Variants in ZNF516 observed in about 807,000 individuals in gnomAD.
ZNF516 encodes zinc finger protein 516.
A neutral mutation model predicts 79.7 loss-of-function variants in ZNF516; 19 were observed. The ratio of observed to expected loss-of-function variants is 0.24; its 90% CI spans 0.17 to 0.35. The LOEUF (loss-of-function observed/expected upper bound fraction) is 0.35, where lower values mean the gene tolerates loss of function less well. ZNF516 is among the 10% of genes least tolerant of loss of function. The pLI is 1.00. For synonymous variants in ZNF516, 877 were observed against 739.5 expected (o/e 1.19, Z -3.02); for missense variants, 1,678 against 1,679.5 (o/e 1.00, Z 0.02).
chr18:76,459,236 G>A lies in ZNF516; in HGVS notation c.-158+3792C>T, dbSNP rs146802604. 1.1e-3 allele frequency among the ~76,000 whole-genome samples: 160 copies of A among 152,266 alleles called. 1 individual carries two copies. Among genetic ancestry groups the A allele is most frequent in the Admixed American group, 2.7e-3 (42 of 15,298 alleles). On this transcript the variant is annotated intron_variant, in intron 2 of 6. Transcript: ENST00000443185. The surrounding 1 kb of genome is among the most constrained non-coding windows in gnomAD (Gnocchi z 5.0). ...GCATAGGGCGCTCTCTCCCTGCCCC[G>A]AGCTTCGGCTTCTCCTCCATGCACG...
chr18:76,486,900 G>T (rs141342244), intron 1 of ZNF516, among the ~76,000 whole-genome samples: 2 of 152,074 alleles, frequency 1.3e-5, no homozygotes, highest in Admixed American at 1.3e-4. Context: ...ACAGGAATAC[G>T]AAGTAAATCT....
intron 4 of ZNF516, among the ~76,000 whole-genome samples, chr18:76,374,877 T>C (rs1329888821): frequency 2.6e-5 from 4 of 152,052 alleles, no homozygotes; most frequent in Admixed American, 6.6e-5. Context: ...AAAGCAGAGA[T>C]ACACTTGTAT....
At position 76,442,144 on chromosome 18, in the gene ZNF516, C is replaced by A. The variant is rs763339807; in HGVS notation, c.911G>T (p.Ser304Ile). The A allele has an allele frequency of 1.2e-6, 2 of 1,613,976 alleles. No individual in the cohort carries two copies. Among genetic ancestry groups the A allele is most frequent in the South Asian group, 1.1e-5 (1 of 91,088 alleles). The part of the protein sequence containing the change: ...HMKAHGPKTG[S>I]KNRPKSELDP... ...CAGCTCACTCTTGGGCCTGTTCTTGCTGCCCGTCTTGGGGCCGTGCGCCTT... is the reference window on the plus strand; with the variant it reads ...CAGCTCACTCTTGGGCCTGTTCTTGATGCCCGTCTTGGGGCCGTGCGCCTT... The change falls in exon 3 of 7, where the codon AGC becomes ATC. Residue 304 changes from serine (S) to isoleucine (I), a missense_variant. Transcript: ENST00000443185.
chr18:76,379,987 C>T lies in ZNF516; in HGVS notation c.2127G>A (p.Lys709=), dbSNP rs1304511784. Residue 709 remains lysine, a synonymous_variant, in exon 4 of 7, where the codon AAG becomes AAA. Transcript: ENST00000443185. ...AEGQTGHPAE[K]LSDLHNKEHS... Reference sequence around the variant, plus strand: ...GTTCCTTGTTGTGCAAATCGGACAGCTTTTCTGCAGGGTGACCCGTCTGGC... The same window carrying T: ...GTTCCTTGTTGTGCAAATCGGACAGTTTTTCTGCAGGGTGACCCGTCTGGC... The T allele has an allele frequency of 1.9e-6, 3 of 1,613,878 alleles. No homozygotes were observed. The highest frequency in any genetic ancestry group is 3.3e-5 in the Admixed American group (2 of 60,008).
rs1391051943 is a variant in ZNF516 at position 76,384,367 on chromosome 18, G to A, written c.1811-4064C>T. ...TCCACGGCTCTCACGTCCCCTCCAC[G>A]GTTCCGACACCCCCACCACGGGCCG... On this transcript the variant is annotated intron_variant, in intron 3 of 6. Transcript: ENST00000443185. 5.8e-5 allele frequency among the ~76,000 whole-genome samples: 7 copies of A among 119,846 alleles called. 1 individual carries two copies. The highest frequency in any genetic ancestry group is 3.4e-5 in the Non-Finnish European group (2 of 58,562). 78.6% of individuals were successfully genotyped at this position (119,846 alleles called of 152,430 possible). A position where few individuals can be genotyped will look rare whatever the true frequency, so the allele number is the denominator to read the frequency against.
Position 76,459,331 on chromosome 18 carries a change from G to A in ZNF516, c.-158+3697C>T, listed in dbSNP as rs547641653. ...CCTGGGCCGGTGACAGCCCTGACCC[G>A]TGGCCACCATCCACTCAACATCATT... On this transcript the variant is annotated intron_variant, in intron 2 of 6. Transcript: ENST00000443185. This position sits in a 1 kb window ranked among gnomAD's most constrained non-coding sequence, Gnocchi z 5.0. Among the ~76,000 whole-genome samples the A allele has an allele frequency of 1.3e-5, 2 of 152,280 alleles. No individual in the cohort carries two copies. Among genetic ancestry groups the A allele is most frequent in the South Asian group, 2.1e-4 (1 of 4,830 alleles).
chr18:76,481,140 T>C (rs1914501028), intron 1 of ZNF516, among the ~76,000 whole-genome samples: 1 of 152,248 alleles, frequency 6.6e-6, no homozygotes, highest in South Asian at 2.1e-4. Flanking sequence ...CCAAGGCCAC[T>C]GAGCCTGGTC....
intron 2 of ZNF516, among the ~76,000 whole-genome samples, chr18:76,446,944 C>G (rs1912087415): frequency 6.6e-6 from 1 of 152,218 alleles, no homozygotes. Flanking sequence ...CCGCCATTAT[C>G]TGAAGGACAC....
At chr18:76,492,206 G>A in intron 1 of ZNF516, 2 of 985,464 alleles carry the variant, frequency 2.0e-6, no homozygotes, top group Non-Finnish European at 2.4e-6. Flanking sequence ...GCTCCCGGAA[G>A]ACACCGCGTC....
In ZNF516 at chr18:76,443,001, G is replaced by A; in HGVS notation, c.54C>T (p.Thr18=). Residue 18 remains threonine (T), a synonymous_variant, in exon 3 of 7, where the codon ACC becomes ACT. Coordinates refer to ENST00000443185, the MANE Select transcript of ZNF516 (RefSeq NM_014643.4). ...EMELRRGPSP[T]RAGRGHEVDG... is the part of the protein sequence containing the mutation. ...CCACCTCGTGGCCCCGGCCGGCCCT[G>A]GTGGGGCTGGGGCCTCGCCTCAGCT... is the stretch of plus-strand genomic sequence containing the variant. 1 of 1,601,554 alleles carries A rather than the reference G, an allele frequency of 6.2e-7. No individual in the cohort carries two copies. The highest frequency in any genetic ancestry group is 8.5e-7 in the Non-Finnish European group (1 of 1,178,846).
chr18:76,447,266 A>G (rs690265), intron 2 of ZNF516, among the ~76,000 whole-genome samples: 151,684 of 152,352 alleles, frequency 1, 75,514 homozygotes, highest in Middle Eastern at 1. Flanking sequence ...TTGGGACGTC[A>G]GCGGCCCTGC....
At chr18:76,446,235 C>T (rs1912044315) in intron 2 of ZNF516, among the ~76,000 whole-genome samples, 1 of 152,214 alleles carries the variant, frequency 6.6e-6, no homozygotes, top group Non-Finnish European at 1.5e-5. Context: ...CCAGTGACCC[C>T]CTCAGAGCCC....
rs1319652658 is a variant in ZNF516, at chr18:76,493,661, T to A, written c.-272+1483A>T. The stretch of plus-strand genomic sequence containing the variant: ...AAATAACATCTTTTCCAAAAAGACC[T>A]GACGTCACAATTCACTCCCTGAAAA... On this transcript the variant is annotated intron_variant, in intron 1 of 6. Coordinates refer to ENST00000443185, the MANE Select transcript of ZNF516 (RefSeq NM_014643.4). This position sits in a 1 kb window ranked among gnomAD's most constrained non-coding sequence, Gnocchi z 5.2. The A allele has an allele frequency of 6.6e-6, 1 of 152,262 alleles. No homozygotes were observed. The highest frequency in any genetic ancestry group is 2.4e-5 in the African/African-American group (1 of 41,462). The allele number at this position is 152,262 out of a possible 1,614,324, so 9.4% of individuals were successfully genotyped here.
chr18:76,412,598 T>TG (rs144348197), intron 3 of ZNF516, among the ~76,000 whole-genome samples: 2,629 of 152,228 alleles, frequency 0.017, 72 homozygotes, highest in African/African-American at 0.058. Context: ...TGCAATGCAC[T>TG]GGGTAATAGA....
intron 3 of ZNF516, chr18:76,387,374 A>G (rs2075009681): frequency 6.6e-6 from 1 of 152,242 alleles, no homozygotes; most frequent in Non-Finnish European, 1.5e-5. Flanking sequence ...GAAGGCACCG[A>G]ACAGCAAGCA....
intron 2 of ZNF516, among the ~76,000 whole-genome samples, chr18:76,457,193 C>A (rs1453709366): frequency 1.3e-5 from 2 of 152,256 alleles, no homozygotes; most frequent in Non-Finnish European, 2.9e-5. Flanking sequence ...ATGCTCCTTG[C>A]ATGTAAGATT....
At chr18:76,479,503 C>A (rs1914372220) in intron 1 of ZNF516, among the ~76,000 whole-genome samples, 1 of 152,202 alleles carries the variant, frequency 6.6e-6, no homozygotes, top group South Asian at 2.1e-4. Context: ...CTCTCCTAAC[C>A]CCTGGGGCAG....
intron 3 of ZNF516, among the ~76,000 whole-genome samples, chr18:76,434,613 G>A (rs951747403): frequency 3.9e-5 from 6 of 152,204 alleles, no homozygotes; most frequent in Non-Finnish European, 7.3e-5. Context: ...AGAGTACCAC[G>A]GCTGTGGCTG....
At chr18:76,408,505 G>C (rs1161680244) in intron 3 of ZNF516, among the ~76,000 whole-genome samples, 1 of 152,168 alleles carries the variant, frequency 6.6e-6, no homozygotes, top group Non-Finnish European at 1.5e-5. Flanking sequence ...TGAGGTTTAA[G>C]GGATGGTTTA....
Sources: allele counts gnomAD v4.1 joint callset (sites outside exome capture counted in the v4.1 genomes callset), GRCh38; gene constraint gnomAD v4.1.1; non-coding constraint Gnocchi (gnomAD v3.1); transcripts MANE v1.5; gene names NCBI Gene and HGNC (gene_info 2026-07-23, HGNC 2026-07-21).